The following CPN2 variants were observed in gnomAD, a reference collection of about 807,000 sequenced individuals.
The protein encoded by CPN2 is carboxypeptidase N subunit 2.
For missense variants in CPN2, 620 were observed against 671.4 expected (o/e 0.92, Z 0.85); for synonymous variants, 336 against 318.4 (o/e 1.06, Z -0.59).
intron 1 of CPN2, among the ~76,000 whole-genome samples, chr3:194,346,197 C>T (rs917403934): frequency 2.0e-5 from 3 of 152,206 alleles, no homozygotes; most frequent in Non-Finnish European, 4.4e-5. Context: ...AACACAGAAG[C>T]GAGGGGCCAG....
intron 1 of CPN2, among the ~76,000 whole-genome samples, chr3:194,349,767 A>ACT (rs1196111878): frequency 8.4e-6 from 1 of 118,424 alleles, no homozygotes; most frequent in Non-Finnish European, 1.7e-5. Context: ...AGCCTTCCTG[A>ACT]CTACCCTCTT....
At chr3:194,347,609 C>T (rs1231469246) in intron 1 of CPN2, among the ~76,000 whole-genome samples, 2 of 152,194 alleles carry the variant, frequency 1.3e-5, no homozygotes, top group African/African-American at 4.8e-5. Context: ...GGGTTCTAGC[C>T]TCTGCTCCTG....
intron 1 of CPN2, among the ~76,000 whole-genome samples, chr3:194,343,770 G>A (rs570389023): frequency 3.0e-4 from 46 of 152,228 alleles, no homozygotes; most frequent in Non-Finnish European, 7.4e-5. Context: ...TAATTGTTAG[G>A]GATTAAGTGA....
intron 1 of CPN2, among the ~76,000 whole-genome samples, chr3:194,347,303 C>T (rs966440664): frequency 1.3e-5 from 2 of 151,936 alleles, no homozygotes; most frequent in Non-Finnish European, 1.5e-5. Context: ...ATGCCTCAAG[C>T]CAGTCTGTCA....
intron 1 of CPN2, among the ~76,000 whole-genome samples, chr3:194,344,450 A>G (rs1376608181): frequency 6.6e-6 from 1 of 152,240 alleles, no homozygotes; most frequent in Non-Finnish European, 1.5e-5. Context: ...TAATCCCAGC[A>G]CTTTGAAAGG....
rs1712734286 is a variant in CPN2, at chr3:194,339,987, G to A, written c.*1078C>T. ...GAAGCAGCGGGGGTGGGTGCTTCCA[G>A]GCTGTAGGTAAATTTAAACATTTTC... On this transcript the variant is annotated 3_prime_UTR_variant, in exon 2 of 2. Transcript: ENST00000323830. 1 of 152,234 alleles carries A rather than the reference G, an allele frequency of 6.6e-6. No individual in the cohort carries two copies. The highest frequency in any genetic ancestry group is 6.5e-5 in the Admixed American group (1 of 15,280). 9.4% of individuals were successfully genotyped at this position (152,234 alleles called of 1,614,324 possible).
At chr3:194,348,989 T>G (rs532831986) in intron 1 of CPN2, among the ~76,000 whole-genome samples, 1 of 152,244 alleles carries the variant, frequency 6.6e-6, no homozygotes, top group Non-Finnish European at 1.5e-5. Context: ...GTGAAATATA[T>G]GAAGTCTCAG....
Position 194,340,776 on chromosome 3 carries a change from G to A in CPN2, c.*289C>T, listed in dbSNP as rs1712770158. Reference sequence around the variant, plus strand: ...GTGTTACATAATGGGGAGGCATCAGGGCTGAGGATATTTTATTCTCCAGGC... The same window carrying A: ...GTGTTACATAATGGGGAGGCATCAGAGCTGAGGATATTTTATTCTCCAGGC... On this transcript the variant is annotated 3_prime_UTR_variant, in exon 2 of 2. Coordinates refer to ENST00000323830, the MANE Select transcript of CPN2 (RefSeq NM_001080513.4). 3 of 411,670 alleles carry A rather than the reference G, an allele frequency of 7.3e-6. 1 individual carries two copies. The East Asian group carries it at 1.2e-4, about 16-fold the overall frequency. The allele number at this position is 411,670 out of a possible 1,614,324, so 25.5% of individuals were successfully genotyped here. A position where few individuals can be genotyped will look rare whatever the true frequency, so the allele number is the denominator to read the frequency against.
rs1241308406 is a variant in CPN2, at chr3:194,341,487, G to A, written c.1216C>T (p.Leu406Phe). 1 of 1,614,216 alleles carries A rather than the reference G, an allele frequency of 6.2e-7. No homozygotes were observed. ...GTGTACTGCTGCAGCCAGTTGAAGA[G>A]GTAGGCCAGGTGGCAGTCGCACTGC... ...PWQCDCHLAYLFNWLQQYTDR... is the reference protein window; with the variant it reads ...PWQCDCHLAYFFNWLQQYTDR... Residue 406 changes from leucine to phenylalanine, a missense_variant, in exon 2 of 2, where the codon CTC (leucine) becomes TTC (phenylalanine). Transcript: ENST00000323830.
Position 194,340,896 on chromosome 3 carries a change from G to A in CPN2, c.*169C>T, listed in dbSNP as rs953971496. The stretch of plus-strand genomic sequence containing the variant: ...AAGCGATGAAGGAAGAGGAGGAGGA[G>A]ACCCTGGTTAGTGGAGCAGACCAGA... On this transcript the variant is annotated 3_prime_UTR_variant, in exon 2 of 2. Coordinates refer to ENST00000323830, the MANE Select transcript of CPN2 (RefSeq NM_001080513.4). 2.9e-6 allele frequency: 3 copies of A among 1,032,030 alleles called. No homozygotes were observed. The highest frequency in any genetic ancestry group is 2.9e-5 in the Admixed American group (1 of 34,136). 63.9% of individuals were successfully genotyped at this position (1,032,030 alleles called of 1,614,324 possible).
At chr3:194,350,532 T>C (rs1031325933) in intron 1 of CPN2, among the ~76,000 whole-genome samples, 4 of 152,186 alleles carry the variant, frequency 2.6e-5, no homozygotes, top group Non-Finnish European at 4.4e-5. Context: ...TAGCACTCCA[T>C]TGGATGATAA....
chr3:194,350,103 T>C (rs1332005833), intron 1 of CPN2, among the ~76,000 whole-genome samples: 2 of 152,016 alleles, frequency 1.3e-5, no homozygotes, highest in Non-Finnish European at 2.9e-5. Context: ...CGCTCGGCCC[T>C]TTCTTGGGTC....
chr3:194,342,083 C>A lies in CPN2; in HGVS notation c.620G>T (p.Gly207Val). ...TTTGCCAAACACACCCTGGGGGAGA[C>A]CAGAGAGCGCGTTGTTGCTCAGCTT... ...TLKLSNNALSGLPQGVFGKLG... is the reference protein window; with the variant it reads ...TLKLSNNALSVLPQGVFGKLG... The change falls in exon 2 of 2, where the codon GGT (glycine) becomes GTT (valine). Residue 207 changes from glycine to valine, a missense_variant. Transcript: ENST00000323830. The A allele has an allele frequency of 6.2e-7, 1 of 1,614,094 alleles. No homozygotes were observed.
At position 194,349,778 on chromosome 3, in the gene CPN2, C is replaced by CTTTT. The variant is rs757478492; in HGVS notation, c.-4+1460_-4+1463dup. On this transcript the variant is annotated intron_variant, in intron 1 of 1. Coordinates refer to ENST00000323830, the MANE Select transcript of CPN2 (RefSeq NM_001080513.4). ...ATGAAGCCTTCCTGACTACCCTCTT[C>CTTTT]TTTTTTTTTTTTTTTTTTTTTTTTT... is the stretch of plus-strand genomic sequence containing the variant. Among the ~76,000 whole-genome samples, 56 of 65,596 alleles carry CTTTT rather than the reference C, an allele frequency of 8.5e-4. 3 individuals are homozygous for CTTTT. The highest frequency in any genetic ancestry group is 2.0e-3 in the East Asian group (3 of 1,478). 43.0% of individuals were successfully genotyped at this position (65,596 alleles called of 152,430 possible). A position where few individuals can be genotyped will look rare whatever the true frequency, so the allele number is the denominator to read the frequency against.
chr3:194,341,938 G>A lies in CPN2; in HGVS notation c.765C>T (p.His255=). Residue 255 remains histidine, a synonymous_variant, in exon 2 of 2, where the codon CAC becomes CAT. Transcript: ENST00000323830. ...RLWLQRNAIT[H]LPLSIFASLG... Reference sequence around the variant, plus strand: ...GGGAGGCAAAGATGGAGAGCGGCAGGTGCGTGATGGCGTTGCGTTGCAGCC... The same window carrying A: ...GGGAGGCAAAGATGGAGAGCGGCAGATGCGTGATGGCGTTGCGTTGCAGCC... 2.5e-6 allele frequency: 4 copies of A among 1,614,122 alleles called. No individual in the cohort carries two copies. Among genetic ancestry groups the A allele is most frequent in the Non-Finnish European group, 3.4e-6 (4 of 1,180,038 alleles).
intron 1 of CPN2, among the ~76,000 whole-genome samples, chr3:194,346,618 A>C (rs1428494476): frequency 6.6e-6 from 1 of 152,094 alleles, no homozygotes; most frequent in Non-Finnish European, 1.5e-5. Flanking sequence ...GCATTGCTTA[A>C]CCTCTCTGTG....
chr3:194,349,847 G>C (rs1713202282), intron 1 of CPN2, among the ~76,000 whole-genome samples: 1 of 125,328 alleles, frequency 8.0e-6, no homozygotes, highest in South Asian at 2.6e-4. Flanking sequence ...TGTTTCCCAG[G>C]CTGGAGTGCA....
rs1339836738 is a variant in CPN2, at chr3:194,342,028, G to A, written c.675C>T (p.Asp225=). Residue 225 remains aspartate, a synonymous_variant, in exon 2 of 2, where the codon GAC becomes GAT. Transcript: ENST00000323830. The part of the protein sequence containing the change: ...KLGSLQELFL[D]SNNISELPPQ... Reference sequence around the variant, plus strand: ...GGGGCAGCTCCGAGATGTTGTTGCTGTCCAGGAAGAGCTCCTGCAGGCTGC... The same window carrying A: ...GGGGCAGCTCCGAGATGTTGTTGCTATCCAGGAAGAGCTCCTGCAGGCTGC... 1.2e-6 allele frequency: 2 copies of A among 1,614,194 alleles called. No individual in the cohort carries two copies.
intron 1 of CPN2, among the ~76,000 whole-genome samples, chr3:194,349,058 T>C (rs569681467): frequency 6.6e-6 from 1 of 152,236 alleles, no homozygotes; most frequent in Non-Finnish European, 1.5e-5. Context: ...TAGAAGCTTA[T>C]GTACAAAATA....
Sources: allele counts gnomAD v4.1 joint callset (sites outside exome capture counted in the v4.1 genomes callset), GRCh38; gene constraint gnomAD v4.1.1; transcripts MANE v1.5; gene names NCBI Gene and HGNC (gene_info 2026-07-23, HGNC 2026-07-21).